The following TECRL variants were observed in gnomAD, a reference collection of about 807,000 sequenced individuals.
TECRL encodes the protein trans-2,3-enoyl-CoA reductase-like.
Under a neutral mutation model 52.8 loss-of-function variants are expected in TECRL, and 63 were observed. That is an observed-to-expected ratio of 1.19 (90% CI 0.97 to 1.47). The LOEUF (loss-of-function observed/expected upper bound fraction) is 1.47, where lower values mean the gene tolerates loss of function less well. Among genes scored for constraint, TECRL ranks in the 40% most tolerant of loss-of-function variants. TECRL has a pLI of 0.00. For synonymous variants in TECRL, 164 were observed against 141.9 expected (o/e 1.16, Z -1.10); for missense variants, 482 against 429.6 (o/e 1.12, Z -1.08).
intron 2 of TECRL, among the ~76,000 whole-genome samples, chr4:64,364,614 A>G (rs1198889385): frequency 6.6e-6 from 1 of 152,078 alleles, no homozygotes; most frequent in Non-Finnish European, 1.5e-5. Context: ...CTCAGAGACT[A>G]TTACAAACAC....
At position 64,364,310 on chromosome 4, in the gene TECRL, G is replaced by A. The variant is rs75168840; in HGVS notation, c.286+10862C>T. On this transcript the variant is annotated intron_variant, in intron 2 of 11. Transcript: ENST00000381210. ...GCAAAACATCTATATTAAGAAGTTG[G>A]TAAGCTCTCATATTAACAACGTCAC... Among the ~76,000 whole-genome samples, 878 of 152,036 alleles carry A rather than the reference G, an allele frequency of 5.8e-3. 3 individuals are homozygous for A. Among genetic ancestry groups the A allele is most frequent in the African/African-American group, 0.02 (834 of 41,520 alleles).
intron 1 of TECRL, among the ~76,000 whole-genome samples, chr4:64,387,496 C>T (rs549892338): frequency 5.9e-5 from 9 of 152,214 alleles, no homozygotes; most frequent in Non-Finnish European, 5.9e-5. Flanking sequence ...AATTGCCTTC[C>T]AAATGGCTTT....
chr4:64,335,830 A>G (rs1051060202), intron 2 of TECRL, among the ~76,000 whole-genome samples: 1 of 152,170 alleles, frequency 6.6e-6, no homozygotes, highest in Admixed American at 6.5e-5. Context: ...CTTGATTTGC[A>G]TATGTTGAAC....
At chr4:64,392,025 T>C (rs1723582872) in intron 1 of TECRL, among the ~76,000 whole-genome samples, 1 of 151,880 alleles carries the variant, frequency 6.6e-6, no homozygotes, top group Non-Finnish European at 1.5e-5. Flanking sequence ...TCCATGCTTA[T>C]TTTCTACACA....
intron 8 of TECRL, among the ~76,000 whole-genome samples, chr4:64,292,654 AT>A (rs1343421669): frequency 6.6e-6 from 1 of 152,022 alleles, no homozygotes; most frequent in African/African-American, 2.4e-5. Flanking sequence ...TCAAATAAAA[AT>A]GTTTACATTT....
intron 8 of TECRL, among the ~76,000 whole-genome samples, chr4:64,291,408 TG>T (rs1418901137): frequency 3.3e-5 from 5 of 152,038 alleles, no homozygotes; most frequent in African/African-American, 4.8e-5. Flanking sequence ...TCGTATCTTT[TG>T]TACATCTTTC....
intron 4 of TECRL, among the ~76,000 whole-genome samples, chr4:64,317,859 T>C (rs995451654): frequency 1.3e-5 from 2 of 152,112 alleles, no homozygotes; most frequent in African/African-American, 2.4e-5. Context: ...AGAGAAGAGA[T>C]TGAACCTTGC....
At chr4:64,318,227 A>T (rs1717645473) in intron 4 of TECRL, among the ~76,000 whole-genome samples, 1 of 152,276 alleles carries the variant, frequency 6.6e-6, no homozygotes, top group African/African-American at 2.4e-5. Flanking sequence ...TAGCAAAAAT[A>T]AAAATAAAAA....
chr4:64,297,607 A>G (rs1723761575), intron 8 of TECRL, among the ~76,000 whole-genome samples: 1 of 151,176 alleles, frequency 6.6e-6, no homozygotes, highest in South Asian at 2.1e-4. Context: ...ATAATTTCAA[A>G]TGCATTGGAC....
At chr4:64,312,448 C>A (rs752261453) in intron 5 of TECRL, among the ~76,000 whole-genome samples, 1 of 152,080 alleles carries the variant, frequency 6.6e-6, no homozygotes, top group Non-Finnish European at 1.5e-5. Flanking sequence ...GAGATACTAC[C>A]AAACATGCTG....
At chr4:64,316,602 C>T (rs1042223124) in intron 4 of TECRL, among the ~76,000 whole-genome samples, 1 of 152,066 alleles carries the variant, frequency 6.6e-6, no homozygotes, top group Non-Finnish European at 1.5e-5. Flanking sequence ...GAAAATGGAA[C>T]TGGTCTTTTC....
At chr4:64,386,832 C>T (rs572462164) in intron 1 of TECRL, among the ~76,000 whole-genome samples, 2 of 152,140 alleles carry the variant, frequency 1.3e-5, no homozygotes, top group African/African-American at 4.8e-5. Context: ...CAGAGATTTC[C>T]AAGGTACTCT....
chr4:64,290,264 T>C (rs1723307045), intron 8 of TECRL, among the ~76,000 whole-genome samples: 1 of 152,168 alleles, frequency 6.6e-6, no homozygotes, highest in Non-Finnish European at 1.5e-5. Flanking sequence ...TCTGTCATCA[T>C]GACCTCTTGA....
At chr4:64,380,807 A>G (rs1722736851) in intron 1 of TECRL, among the ~76,000 whole-genome samples, 3 of 152,032 alleles carry the variant, frequency 2.0e-5, no homozygotes, top group Admixed American at 2.0e-4. Context: ...GCTTTGAAGT[A>G]TATTGTAAGT....
At chr4:64,377,987 TA>T (rs1348073499) in intron 1 of TECRL, among the ~76,000 whole-genome samples, 1 of 152,030 alleles carries the variant, frequency 6.6e-6, no homozygotes, top group African/African-American at 2.4e-5. Flanking sequence ...TTTTGTAGTA[TA>T]AAAACCTAAA....
At chr4:64,320,631 G>C (rs1054035242) in intron 4 of TECRL, among the ~76,000 whole-genome samples, 1 of 151,960 alleles carries the variant, frequency 6.6e-6, no homozygotes, top group African/African-American at 2.4e-5. Context: ...TTATCCAAGT[G>C]ATGAAGCTGA....
intron 1 of TECRL, among the ~76,000 whole-genome samples, chr4:64,379,061 T>TG: frequency 6.6e-6 from 1 of 152,066 alleles, no homozygotes; most frequent in South Asian, 2.1e-4. Flanking sequence ...CCGTTTCTAT[T>TG]GAAAAAAATG....
chr4:64,409,291 C>T lies in TECRL; in HGVS notation c.61G>A (p.Ala21Thr). The T allele has an allele frequency of 1.9e-6, 3 of 1,613,800 alleles. No homozygotes were observed. The highest frequency in any genetic ancestry group is 2.5e-6 in the Non-Finnish European group (3 of 1,179,818). The change falls in exon 1 of 12, where the codon GCT (alanine) becomes ACT (threonine). Residue 21 changes from alanine to threonine, a missense_variant. Coordinates refer to ENST00000381210, the MANE Select transcript of TECRL (RefSeq NM_001010874.5). ...ERKRALLSQR[A>T]TRFILKDDMR... is the part of the protein sequence containing the mutation. ...TCATCCTTCAGTATGAACCGTGTAG[C>T]TCTTTGGGAAAGTAATGCTCTCTTG...
chr4:64,406,222 C>G (rs1382464577), intron 1 of TECRL, among the ~76,000 whole-genome samples: 1 of 151,198 alleles, frequency 6.6e-6, no homozygotes, highest in African/African-American at 2.4e-5. Context: ...AATATATTTT[C>G]TTTCATCCTA....
Sources: gnomAD v4.1 joint callset for allele counts (sites outside exome capture counted in the v4.1 genomes callset) on GRCh38, gnomAD v4.1.1 for gene constraint, MANE v1.5 for transcripts, NCBI Gene and HGNC (gene_info 2026-07-23, HGNC 2026-07-21) for gene names.